CAMK1D: variants seen among roughly 807,000 people sequenced by gnomAD.
CAMK1D encodes the protein calcium/calmodulin-dependent protein kinase type 1D.
In CAMK1D, 9 loss-of-function variants were observed where a neutral mutation model predicts 47.7. The ratio of observed to expected loss-of-function variants is 0.19; its 90% CI spans 0.11 to 0.33. The LOEUF (loss-of-function observed/expected upper bound fraction) is 0.33. Among genes scored for constraint, CAMK1D ranks in the 10% least tolerant of loss-of-function variants. The probability of loss-of-function intolerance (pLI) is 1.00; values close to 1 mark genes in which losing one functional copy is unlikely to be tolerated. For missense variants in CAMK1D, 291 were observed against 488.7 expected, an observed-to-expected ratio of 0.60 and a Z score of 3.81; for synonymous variants, 184 against 184.9, an observed-to-expected ratio of 0.99 and a Z score of 0.04.
At chr10:12,727,126 G>A (rs1252408484) in intron 3 of CAMK1D, among the ~76,000 whole-genome samples, 1 of 152,262 alleles carries the variant, frequency 6.6e-6, no homozygotes. Context: ...ATAGCCAGGA[G>A]CTGGGGCTTT....
intron 3 of CAMK1D, among the ~76,000 whole-genome samples, chr10:12,739,482 T>C (rs1194244091): frequency 7.2e-6 from 1 of 139,254 alleles, no homozygotes; most frequent in Admixed American, 7.6e-5. Context: ...GTAGAGACGG[T>C]GTTTCACCAT....
At chr10:12,420,506 T>C (rs184101947) in intron 1 of CAMK1D, among the ~76,000 whole-genome samples, 279 of 152,334 alleles carry the variant, frequency 1.8e-3, no homozygotes, top group African/African-American at 6.3e-3. Context: ...GGTTTACTAA[T>C]TAACCCTTAT....
At chr10:12,415,863 TG>T (rs752394791) in intron 1 of CAMK1D, 41 of 151,280 alleles carry the variant, frequency 2.7e-4, no homozygotes, top group Non-Finnish European at 4.6e-4. Context: ...TAGAGTGCGG[TG>T]GCACAATCAC....
intron 1 of CAMK1D, among the ~76,000 whole-genome samples, chr10:12,506,253 C>A (rs1052984335): frequency 1.3e-5 from 2 of 152,034 alleles, no homozygotes; most frequent in Admixed American, 6.5e-5. Flanking sequence ...ACCCCCGTCT[C>A]TACTAAAAAC....
chr10:12,700,947 G>A (rs776364742), intron 3 of CAMK1D, among the ~76,000 whole-genome samples: 2 of 152,188 alleles, frequency 1.3e-5, no homozygotes, highest in African/African-American at 2.4e-5. Flanking sequence ...CTCCACGTAT[G>A]TATAAAGCAT....
chr10:12,368,587 CCTTTCCAGCTTG>C (rs1837915692), intron 1 of CAMK1D, among the ~76,000 whole-genome samples: 1 of 151,976 alleles, frequency 6.6e-6, no homozygotes, highest in Admixed American at 6.6e-5. Context: ...ACAGTACCTA[CCTTTCCAGCTTG>C]TTGTGAGGTT....
chr10:12,676,886 T>G (rs904751063), intron 3 of CAMK1D, among the ~76,000 whole-genome samples: 2 of 152,196 alleles, frequency 1.3e-5, no homozygotes, highest in Non-Finnish European at 2.9e-5. Context: ...CTCAGCAGTA[T>G]CACAGGAATT....
chr10:12,407,176 A>G (rs1200420368), intron 1 of CAMK1D, among the ~76,000 whole-genome samples: 1 of 152,208 alleles, frequency 6.6e-6, no homozygotes, highest in Non-Finnish European at 1.5e-5. Flanking sequence ...GTTCATGGCC[A>G]GACCTCTCCA....
chr10:12,423,395 G>A (rs1313237227), intron 1 of CAMK1D, among the ~76,000 whole-genome samples: 1 of 152,130 alleles, frequency 6.6e-6, no homozygotes, highest in Non-Finnish European at 1.5e-5. Context: ...TTGTGCTGTG[G>A]TCCTTGTTGC....
chr10:12,560,278 C>G (rs1246372938), intron 2 of CAMK1D, among the ~76,000 whole-genome samples: 1 of 151,976 alleles, frequency 6.6e-6, no homozygotes, highest in African/African-American at 2.4e-5. Context: ...GGGGTCCGGG[C>G]GCGGTGGCTC....
At chr10:12,396,150 A>C (rs530673134) in intron 1 of CAMK1D, among the ~76,000 whole-genome samples, 1 of 152,214 alleles carries the variant, frequency 6.6e-6, no homozygotes, top group South Asian at 2.1e-4. Flanking sequence ...CTGGGCTTAC[A>C]GGCGTGAGCC....
intron 1 of CAMK1D, among the ~76,000 whole-genome samples, chr10:12,455,762 A>T (rs1011010924): frequency 6.6e-6 from 1 of 152,164 alleles, no homozygotes; most frequent in East Asian, 1.9e-4. Flanking sequence ...GATTAGGTTA[A>T]CTGACTGTTC....
At chr10:12,392,097 G>T (rs1406434559) in intron 1 of CAMK1D, among the ~76,000 whole-genome samples, 1 of 152,026 alleles carries the variant, frequency 6.6e-6, no homozygotes, top group Non-Finnish European at 1.5e-5. Flanking sequence ...GTGGTCAGGA[G>T]TTCGAGACCA....
At chr10:12,515,097 A>T (rs1835152993) in intron 1 of CAMK1D, among the ~76,000 whole-genome samples, 1 of 151,934 alleles carries the variant, frequency 6.6e-6, no homozygotes, top group African/African-American at 2.4e-5. Context: ...TCCTGACCTC[A>T]GGTGATCCAC....
chr10:12,369,801 C>A (rs765941213), intron 1 of CAMK1D, among the ~76,000 whole-genome samples: 1 of 151,684 alleles, frequency 6.6e-6, no homozygotes, highest in East Asian at 1.9e-4. Flanking sequence ...TCTACAAATA[C>A]AAAAATTAGC....
At chr10:12,679,437 C>T (rs957745480) in intron 3 of CAMK1D, among the ~76,000 whole-genome samples, 1 of 152,110 alleles carries the variant, frequency 6.6e-6, no homozygotes, top group African/African-American at 2.4e-5. Flanking sequence ...GATAGTATCA[C>T]CATGGACTTC....
At chr10:12,380,584 G>A (rs1208259577) in intron 1 of CAMK1D, among the ~76,000 whole-genome samples, 2 of 152,154 alleles carry the variant, frequency 1.3e-5, no homozygotes, top group Admixed American at 6.5e-5. Context: ...TCAGCTGGGC[G>A]CAGTGGCTCA....
At chr10:12,711,825 T>C (rs1437478464) in intron 3 of CAMK1D, among the ~76,000 whole-genome samples, 1 of 152,220 alleles carries the variant, frequency 6.6e-6, no homozygotes, top group Non-Finnish European at 1.5e-5. Context: ...TTGACAGCAG[T>C]GATGATCAAA....
At chr10:12,546,321 G>C (rs1358614531) in intron 1 of CAMK1D, among the ~76,000 whole-genome samples, 1 of 152,142 alleles carries the variant, frequency 6.6e-6, no homozygotes, top group East Asian at 1.9e-4. Context: ...GCATTTGAGA[G>C]TCTTGTCAGC....
Sources: gnomAD v4.1 joint callset for allele counts (sites outside exome capture counted in the v4.1 genomes callset) on GRCh38, gnomAD v4.1.1 for gene constraint, MANE v1.5 for transcripts, NCBI Gene and HGNC (gene_info 2026-07-23, HGNC 2026-07-21) for gene names.